The following HPSE2 variants were observed in gnomAD, a reference collection of about 807,000 sequenced individuals.
HPSE2 encodes the protein inactive heparanase-2.
Under a neutral mutation model 60.5 loss-of-function variants are expected in HPSE2, and 38 were observed. The ratio of observed to expected loss-of-function variants is 0.63; its 90% CI spans 0.48 to 0.82. The LOEUF (loss-of-function observed/expected upper bound fraction) is 0.82, where lower values mean the gene tolerates loss of function less well. HPSE2 is among the 40% of genes least tolerant of loss of function. HPSE2 has a pLI of 0.00. For missense variants in HPSE2, 713 were observed against 740.4 expected, an observed-to-expected ratio of 0.96 and a Z score of 0.43; for synonymous variants, 295 against 293.2, an observed-to-expected ratio of 1.01 and a Z score of -0.06.
chr10:98,986,066 G>T (rs188330115), intron 3 of HPSE2, among the ~76,000 whole-genome samples: 1 of 151,874 alleles, frequency 6.6e-6, no homozygotes, highest in African/African-American at 2.4e-5. Flanking sequence ...CCCCACTGTC[G>T]ACACTAGACA....
intron 2 of HPSE2, among the ~76,000 whole-genome samples, chr10:99,185,412 C>T (rs1268897132): frequency 3.3e-5 from 5 of 151,932 alleles, no homozygotes; most frequent in Admixed American, 6.6e-5. Context: ...TCATCATAAC[C>T]GAATTGCCAA....
chr10:98,940,114 C>T (rs1472476273), intron 3 of HPSE2, among the ~76,000 whole-genome samples: 2 of 142,804 alleles, frequency 1.4e-5, no homozygotes, highest in Admixed American at 7.0e-5. Context: ...GCACTAAATG[C>T]CCACAAGAGA....
chr10:98,534,817 G>A (rs910285121), intron 9 of HPSE2, among the ~76,000 whole-genome samples: 1 of 152,206 alleles, frequency 6.6e-6, no homozygotes, highest in East Asian at 1.9e-4. Flanking sequence ...TATAAACTTG[G>A]AGAGCAATTC....
intron 3 of HPSE2, among the ~76,000 whole-genome samples, chr10:98,860,445 C>A (rs1952430000): frequency 6.6e-6 from 1 of 152,116 alleles, no homozygotes; most frequent in South Asian, 2.1e-4. Context: ...ACAAGAAAAA[C>A]CATAAAAATG....
intron 2 of HPSE2, among the ~76,000 whole-genome samples, chr10:99,186,127 C>CACAT (rs1554912877): frequency 6.8e-6 from 1 of 147,452 alleles, no homozygotes; most frequent in Non-Finnish European, 1.5e-5. Context: ...CACACACACA[C>CACAT]ACACACACAC....
In HPSE2 at chr10:98,459,426, C is replaced by G; in HGVS notation, c.*148G>C. 3.3e-6 allele frequency: 3 copies of G among 907,406 alleles called. No homozygotes were observed. The highest frequency in any genetic ancestry group is 3.6e-6 in the Non-Finnish European group (2 of 549,238). The allele number at this position is 907,406 out of a possible 1,614,324, so 56.2% of individuals were successfully genotyped here. A position where few individuals can be genotyped will look rare whatever the true frequency, so the allele number is the denominator to read the frequency against. On this transcript the variant is annotated 3_prime_UTR_variant, in exon 12 of 12. Coordinates refer to ENST00000370552, the MANE Select transcript of HPSE2 (RefSeq NM_021828.5). ...CTAAGATCACGCTATGACATTTAGT[C>G]TCTTTGGAGAGCAAGTCTGTGTTGA...
At chr10:99,203,518 C>T (rs573330938) in intron 2 of HPSE2, among the ~76,000 whole-genome samples, 2 of 152,118 alleles carry the variant, frequency 1.3e-5, no homozygotes, top group South Asian at 4.1e-4. Context: ...AGGCCAATCC[C>T]TGCAGCCCCA....
chr10:98,733,751 T>A (rs1949283374), intron 4 of HPSE2, among the ~76,000 whole-genome samples: 1 of 152,134 alleles, frequency 6.6e-6, no homozygotes, highest in Admixed American at 6.5e-5. Flanking sequence ...AATATAAGCC[T>A]CTAAGAGAGT....
chr10:98,973,872 ATAATT>A (rs1564702833), intron 3 of HPSE2, among the ~76,000 whole-genome samples: 1 of 152,110 alleles, frequency 6.6e-6, no homozygotes, highest in African/African-American at 2.4e-5. Context: ...GGGGGGAGAT[ATAATT>A]TATTTTAAAA....
At position 98,938,918 on chromosome 10, in the gene HPSE2, G is replaced by T. The variant is rs942723689; in HGVS notation, c.611-194862C>A. On this transcript the variant is annotated intron_variant, in intron 3 of 11. Transcript: ENST00000370552. ...GAAACTCTACAAGCCAGAAGAGAGT[G>T]GGAGCCAATATTCAACATTCTTAAA... Among the ~76,000 whole-genome samples the T allele has an allele frequency of 8.3e-5, 12 of 144,236 alleles. 1 individual carries two copies. Among genetic ancestry groups the T allele is most frequent in the Admixed American group, 2.1e-4 (3 of 14,542 alleles). The allele number at this position is 144,236 out of a possible 152,430, so 94.6% of individuals were successfully genotyped here.
intron 9 of HPSE2, among the ~76,000 whole-genome samples, chr10:98,514,367 C>T (rs983509696): frequency 2.6e-5 from 4 of 151,930 alleles, no homozygotes; most frequent in East Asian, 1.9e-4. Flanking sequence ...TGCATACCAT[C>T]GTGAATGTAC....
chr10:98,524,793 ATTT>A (rs1390529593), intron 9 of HPSE2, among the ~76,000 whole-genome samples: 2 of 152,198 alleles, frequency 1.3e-5, no homozygotes, highest in Non-Finnish European at 2.9e-5. Flanking sequence ...AGTTTACATA[ATTT>A]TGGTAATTTT....
intron 3 of HPSE2, among the ~76,000 whole-genome samples, chr10:98,907,575 T>A (rs1310457236): frequency 6.6e-6 from 1 of 152,214 alleles, no homozygotes; most frequent in Admixed American, 6.5e-5. Context: ...CAGGACCTTA[T>A]TCCACATGAA....
At chr10:98,723,666 T>G (rs1456135004) in intron 4 of HPSE2, among the ~76,000 whole-genome samples, 1 of 152,200 alleles carries the variant, frequency 6.6e-6, no homozygotes, top group Non-Finnish European at 1.5e-5. Flanking sequence ...TGTTCAGAGA[T>G]TCAACTTCTT....
At chr10:98,713,935 T>A (rs1171411458) in intron 5 of HPSE2, among the ~76,000 whole-genome samples, 2 of 151,940 alleles carry the variant, frequency 1.3e-5, no homozygotes, top group Non-Finnish European at 2.9e-5. Flanking sequence ...ATATCACCCC[T>A]CACATATGGT....
intron 3 of HPSE2, among the ~76,000 whole-genome samples, chr10:98,769,013 C>T (rs1950184505): frequency 6.6e-6 from 1 of 152,168 alleles, no homozygotes; most frequent in Non-Finnish European, 1.5e-5. Flanking sequence ...CGCCACTGCA[C>T]TCCAGCCTGC....
the HPSE2 span, among the ~76,000 whole-genome samples, chr10:99,251,813 C>T: frequency 3.7e-4 from 49 of 130,818 alleles, 1 homozygote; most frequent in South Asian, 0.01. Flanking sequence ...TCACATGAGA[C>T]GAAGAGTTTG....
At chr10:98,696,019 A>C (rs1482794128) in intron 5 of HPSE2, among the ~76,000 whole-genome samples, 1 of 152,202 alleles carries the variant, frequency 6.6e-6, no homozygotes, top group Non-Finnish European at 1.5e-5. Flanking sequence ...CACTCTAAGC[A>C]GGGAAGATCT....
chr10:99,104,833 G>T (rs1003939121), intron 3 of HPSE2, among the ~76,000 whole-genome samples: 3 of 151,922 alleles, frequency 2.0e-5, no homozygotes, highest in East Asian at 1.9e-4. Flanking sequence ...AACACCACAT[G>T]TTCTCACTCA....
Sources: allele counts gnomAD v4.1 joint callset (sites outside exome capture counted in the v4.1 genomes callset), GRCh38; gene constraint gnomAD v4.1.1; transcripts MANE v1.5; gene names NCBI Gene and HGNC (gene_info 2026-07-23, HGNC 2026-07-21).